The following CDH6 variants were observed in gnomAD, a reference collection of about 807,000 sequenced individuals.
CDH6 encodes the protein cadherin 6.
A neutral mutation model predicts 78.0 loss-of-function variants in CDH6; 31 were observed. That is an observed-to-expected ratio of 0.40 (90% CI 0.30 to 0.54). CDH6 has a LOEUF of 0.54. Ranked by LOEUF, CDH6 falls within the 20% of genes least tolerant of loss-of-function variation. CDH6 has a pLI of 0.56. For synonymous variants in CDH6, 376 were observed against 368.8 expected (o/e 1.02, Z -0.23); for missense variants, 724 against 975.9 (o/e 0.74, Z 3.44).
chr5:31,299,367 A>G, intron 4 of CDH6, 97 bp from the exon 5 acceptor site: 1 of 915,628 alleles, frequency 1.1e-6, no homozygotes, highest in Non-Finnish European at 1.7e-6. Flanking sequence ...AGCATTTTGC[A>G]TATTGTGGGT....
Position 31,305,279 on chromosome 5 carries a change from A to G in CDH6, c.1105A>G (p.Thr369Ala). Residue 369 changes from threonine (T) to alanine (A), a missense_variant, in exon 7 of 12, where the codon ACG becomes GCG. By Grantham distance (58) the Thr-to-Ala change is moderately conservative (BLOSUM62 0). Coordinates refer to ENST00000265071, the MANE Select transcript of CDH6 (RefSeq NM_004932.4). ...LYLGPFKDSA[T>A]VRIVVEDVDE... ...CTTGGGGCCTTTCAAAGATTCAGCC[A>G]CGGTTAGAATTGTGGTGGAGGATGT... 1 of 1,614,134 alleles carries G rather than the reference A, an allele frequency of 6.2e-7. No homozygotes were observed. Among genetic ancestry groups the G allele is most frequent in the Non-Finnish European group, 8.5e-7 (1 of 1,180,022 alleles).
chr5:31,249,746 G>A (rs1741858472), intron 1 of CDH6: 1 of 152,232 alleles, frequency 6.6e-6, no homozygotes, highest in African/African-American at 2.4e-5. Flanking sequence ...AGGTATTTAA[G>A]AAATGGGCAG....
At position 31,317,921 on chromosome 5, in the gene CDH6, C is replaced by T; in HGVS notation, c.1879C>T (p.Leu627=). ...VAILLCIVIL[L]VTVVLFAALR... is the part of the protein sequence containing the mutation. ...CATCCTTCTGTGCATCGTGATCCTA[C>T]TAGGTAAACTGGTTCTCCCTGCCTC... The change falls in exon 11 of 12, where the codon CTA becomes TTA. Residue 627 remains leucine, a synonymous_variant. Transcript: ENST00000265071. 8 of 1,612,648 alleles carry T rather than the reference C, an allele frequency of 5.0e-6. No homozygotes were observed. Among genetic ancestry groups the T allele is most frequent in the Non-Finnish European group, 6.8e-6 (8 of 1,180,022 alleles).
At chr5:31,296,175 C>G (rs1184753323) in intron 3 of CDH6, among the ~76,000 whole-genome samples, 2 of 152,104 alleles carry the variant, frequency 1.3e-5, no homozygotes, top group South Asian at 2.1e-4. Flanking sequence ...TGTAACTTAC[C>G]TACCCCTTTC....
At chr5:31,298,188 G>A (rs1239492879) in intron 4 of CDH6, among the ~76,000 whole-genome samples, 1 of 152,060 alleles carries the variant, frequency 6.6e-6, no homozygotes, top group Admixed American at 6.5e-5. Flanking sequence ...TTTGTTTTTA[G>A]CAAATATCAT....
chr5:31,328,475 C>T lies in CDH6; in HGVS notation c.*5167C>T, dbSNP rs114547257. 0.01 allele frequency: 2,126 copies of T among 206,974 alleles called. 47 individuals are homozygous for T. The highest frequency in any genetic ancestry group is 0.046 in the African/African-American group (2,010 of 43,938). The allele number at this position is 206,974 out of a possible 1,614,324, so 12.8% of individuals were successfully genotyped here. ...GTAGCAAATGTAAAACTGACCTGCT[C>T]GGAAGAAACGTAGGAACGCTTCAAA... On this transcript the variant is annotated 3_prime_UTR_variant, in exon 12 of 12. Transcript: ENST00000265071.
intron 1 of CDH6, among the ~76,000 whole-genome samples, chr5:31,266,572 C>T (rs1013316469): frequency 4.0e-5 from 6 of 151,722 alleles, no homozygotes; most frequent in African/African-American, 1.5e-4. Context: ...TTCTTACAGT[C>T]TATTAAATAC....
At chr5:31,318,351 T>A (rs1027630809) in intron 11 of CDH6, 7 of 317,918 alleles carry the variant, frequency 2.2e-5, no homozygotes, top group Non-Finnish European at 3.5e-5. Context: ...GGAAGAGGAG[T>A]ATGATGACTT....
chr5:31,319,485 T>C, intron 11 of CDH6, among the ~76,000 whole-genome samples: 1 of 152,234 alleles, frequency 6.6e-6, no homozygotes, highest in East Asian at 1.9e-4. Flanking sequence ...TAATTATCTG[T>C]ACCTTAAATA....
intron 1 of CDH6, among the ~76,000 whole-genome samples, chr5:31,266,084 G>GT (rs2149932815): frequency 6.6e-6 from 1 of 152,094 alleles, no homozygotes; most frequent in Non-Finnish European, 1.5e-5. Context: ...GCAAGACAAT[G>GT]TTTTTTCTAT....
intron 1 of CDH6, among the ~76,000 whole-genome samples, chr5:31,224,659 T>A (rs2111838402): frequency 6.6e-6 from 1 of 152,134 alleles, no homozygotes; most frequent in East Asian, 1.9e-4. Context: ...GCTCAAGTGA[T>A]CCTCCCACCT....
intron 2 of CDH6, among the ~76,000 whole-genome samples, chr5:31,279,597 TAATAA>T (rs1203242995): frequency 6.6e-6 from 1 of 151,876 alleles, no homozygotes; most frequent in East Asian, 1.9e-4. Context: ...TAATAAAAAC[TAATAA>T]GAAAATCATA....
chr5:31,241,235 A>C (rs1457948861), intron 1 of CDH6, among the ~76,000 whole-genome samples: 2 of 152,204 alleles, frequency 1.3e-5, no homozygotes, highest in Non-Finnish European at 2.9e-5. Context: ...AAGCTCTCCC[A>C]TGTGAACCAA....
chr5:31,221,111 C>T (rs1430930855), intron 1 of CDH6, among the ~76,000 whole-genome samples: 1 of 152,042 alleles, frequency 6.6e-6, no homozygotes, highest in African/African-American at 2.4e-5. Flanking sequence ...AATAAATGTC[C>T]CAAATGTTCA....
intron 1 of CDH6, among the ~76,000 whole-genome samples, chr5:31,196,359 G>A (rs1358079187): frequency 1.3e-5 from 2 of 152,190 alleles, no homozygotes; most frequent in Non-Finnish European, 2.9e-5. Context: ...TTGAGTGAAT[G>A]TCCCACAGAG....
intron 11 of CDH6, chr5:31,318,412 A>C (rs1021307860): frequency 1.1e-5 from 3 of 266,430 alleles, no homozygotes; most frequent in Non-Finnish European, 2.2e-5. Flanking sequence ...AACCCAGCAA[A>C]CTAATGTTGA....
chr5:31,225,499 C>A (rs905954391), intron 1 of CDH6, among the ~76,000 whole-genome samples: 31 of 151,940 alleles, frequency 2.0e-4, no homozygotes, highest in African/African-American at 7.3e-4. Context: ...ACAGGCTGTA[C>A]AGGAAGCATG....
At chr5:31,278,607 G>C (rs1018827892) in intron 2 of CDH6, among the ~76,000 whole-genome samples, 1 of 152,128 alleles carries the variant, frequency 6.6e-6, no homozygotes, top group African/African-American at 2.4e-5. Context: ...GACAATTCAA[G>C]TGTTCAGCAA....
chr5:31,261,400 T>C (rs1273253477), intron 1 of CDH6, among the ~76,000 whole-genome samples: 1 of 152,216 alleles, frequency 6.6e-6, no homozygotes, highest in Non-Finnish European at 1.5e-5. Flanking sequence ...AAAAGAGTTC[T>C]ATATTTATGG....
Sources: gnomAD v4.1 joint callset for allele counts (sites outside exome capture counted in the v4.1 genomes callset) on GRCh38, gnomAD v4.1.1 for gene constraint, MANE v1.5 for transcripts, NCBI Gene and HGNC (gene_info 2026-07-23, HGNC 2026-07-21) for gene names.